KCNAB3: variants seen among roughly 807,000 people sequenced by gnomAD.
The protein encoded by KCNAB3 is voltage-gated potassium channel subunit beta-3.
Under a neutral mutation model 67.7 loss-of-function variants are expected in KCNAB3, and 62 were observed. The ratio of observed to expected loss-of-function variants is 0.92; its 90% confidence interval spans 0.75 to 1.13. The LOEUF (loss-of-function observed/expected upper bound fraction) is 1.13. Among genes scored for constraint, KCNAB3 ranks in the 50% most tolerant of loss-of-function variants. The pLI is 0.00. For missense variants in KCNAB3, 514 were observed against 522.9 expected, an observed-to-expected ratio of 0.98 and a Z score of 0.17; for synonymous variants, 212 against 205.4, an observed-to-expected ratio of 1.03 and a Z score of -0.27.
In KCNAB3 at chr17:7,929,054, G is replaced by T; in HGVS notation, c.242+140C>A. 1 of 1,294,754 alleles carries T rather than the reference G, an allele frequency of 7.7e-7. No individual in the cohort carries two copies. The allele number at this position is 1,294,754 out of a possible 1,614,324, so 80.2% of individuals were successfully genotyped here. On this transcript the variant is annotated intron_variant, in intron 1 of 13. Transcript: ENST00000303790. The surrounding 1 kb of genome is among the most constrained non-coding windows in gnomAD (Gnocchi z 5.7). ...ACCAAGAGAGGGACAAAGTGAGGGA[G>T]TGCCAGAGACAGAAAGAAGAGATGG...
intron 8 of KCNAB3, chr17:7,924,721 G>T: frequency 7.5e-7 from 1 of 1,340,688 alleles, no homozygotes; most frequent in South Asian, 2.2e-5. Context: ...TCCTGCTGAG[G>T]GTTTGAGGAA....
Position 7,929,831 on chromosome 17 carries a change from A to AC in KCNAB3, c.-397_-396insG. The AC allele has an allele frequency of 9.7e-7, 1 of 1,029,212 alleles. No individual in the cohort carries two copies. Among genetic ancestry groups the AC allele is most frequent in the South Asian group, 3.5e-5 (1 of 28,552 alleles). 63.8% of individuals were successfully genotyped at this position (1,029,212 alleles called of 1,614,324 possible). On this transcript the variant is annotated 5_prime_UTR_variant, in exon 1 of 14. Coordinates refer to ENST00000303790, the MANE Select transcript of KCNAB3 (RefSeq NM_004732.4). This position sits in a 1 kb window ranked among gnomAD's most constrained non-coding sequence, Gnocchi z 5.7. The stretch of plus-strand genomic sequence containing the variant: ...CCGCTGCGGGACCCGCTGGGCTCCC[A>AC]GCCGCGTCGGCAGCGGGCCCAGCTC...
In KCNAB3 at chr17:7,922,510, C is replaced by T. The variant is rs906288011; in HGVS notation, c.*592G>A. ...CCCTCTACCTTTGTCAGTGCTGTGCCACTGTAGACCCCACCCTGACCGCCC... is the reference window on the plus strand; with the variant it reads ...CCCTCTACCTTTGTCAGTGCTGTGCTACTGTAGACCCCACCCTGACCGCCC... On this transcript the variant is annotated 3_prime_UTR_variant, in exon 14 of 14. Coordinates refer to ENST00000303790, the MANE Select transcript of KCNAB3 (RefSeq NM_004732.4). 1.3e-5 allele frequency: 2 copies of T among 154,586 alleles called. No homozygotes were observed. The highest frequency in any genetic ancestry group is 2.9e-5 in the Non-Finnish European group (2 of 69,372). 9.6% of individuals were successfully genotyped at this position (154,586 alleles called of 1,614,324 possible). A position where few individuals can be genotyped will look rare whatever the true frequency, so the allele number is the denominator to read the frequency against.
chr17:7,926,180 C>G (rs2151716880), intron 4 of KCNAB3, 77 bp from the exon 5 acceptor site: 2 of 1,544,424 alleles, frequency 1.3e-6, no homozygotes, highest in Non-Finnish European at 1.8e-6. Flanking sequence ...ACCTTTTCCT[C>G]TCTTGCAAAG....
intron 8 of KCNAB3, chr17:7,924,728 G>A: frequency 7.5e-7 from 1 of 1,332,202 alleles, no homozygotes; most frequent in Non-Finnish European, 9.6e-7. Flanking sequence ...GAGGGTTTGA[G>A]GAAGTGCTCA....
chr17:7,927,101 G>A, intron 4 of KCNAB3: 1 of 527,852 alleles, frequency 1.9e-6, no homozygotes, highest in Non-Finnish European at 3.4e-6. Context: ...CATAACTAAT[G>A]CCTCAGATAT....
At position 7,922,651 on chromosome 17, in the gene KCNAB3, A is replaced by G. The variant is rs180792397; in HGVS notation, c.*451T>C. The G allele has an allele frequency of 6.3e-4, 104 of 164,460 alleles. No individual in the cohort carries two copies. The highest frequency in any genetic ancestry group is 1.2e-3 in the Non-Finnish European group (86 of 74,364). The allele number at this position is 164,460 out of a possible 1,614,324, so 10.2% of individuals were successfully genotyped here. ...GAATACGCTAAGAGCCCCATTTCCT[A>G]TGTTCCAGATGACATCACAACTCAC... On this transcript the variant is annotated 3_prime_UTR_variant, in exon 14 of 14. Transcript: ENST00000303790.
In KCNAB3 at chr17:7,927,647, T is replaced by A. The variant is rs1250959946; in HGVS notation, c.324+10A>T. ...CCCACCACCCTGATTCTAGGTCCGA[T>A]AACTTATACCTCATCTGAGATCTGA... On this transcript the variant is annotated intron_variant, in intron 3 of 13. Transcript: ENST00000303790. 6.2e-7 allele frequency: 1 copy of A among 1,614,014 alleles called. No individual in the cohort carries two copies. The highest frequency in any genetic ancestry group is 8.5e-7 in the Non-Finnish European group (1 of 1,180,008).
chr17:7,923,726 C>A lies in KCNAB3; in HGVS notation c.1033G>T (p.Ala345Ser). ...PVAHQLGCTV[A>S]QLAIAWCLRS... ...AATGTCTCACCAATAGCAAGCTGGGCCACGGTGCAGCCCAGCTGGTGAGCG... is the reference window on the plus strand; with the variant it reads ...AATGTCTCACCAATAGCAAGCTGGGACACGGTGCAGCCCAGCTGGTGAGCG... The change falls in exon 12 of 14, where the codon GCC becomes TCC. Residue 345 changes from alanine (A) to serine (S), a missense_variant. Physicochemically the swap from Ala to Ser is moderately conservative, Grantham distance 99. Coordinates refer to ENST00000303790, the MANE Select transcript of KCNAB3 (RefSeq NM_004732.4). 1.9e-6 allele frequency: 3 copies of A among 1,563,196 alleles called. No individual in the cohort carries two copies. The highest frequency in any genetic ancestry group is 3.8e-5 in the Admixed American group (2 of 52,282).
chr17:7,928,200 G>A, intron 1 of KCNAB3: 1 of 357,992 alleles, frequency 2.8e-6, no homozygotes, highest in East Asian at 5.8e-5. Flanking sequence ...TGGTGAGTTT[G>A]TGAGACCAGG....
In KCNAB3 at chr17:7,927,439, AG is replaced by A. The variant is rs1466381324; in HGVS notation, c.325-17del. ...CCTCTGCTGTCTAGGGAGGTGAAAG[AG>A]GTAAAGATCAACTACTGCTCCTCAG... is the stretch of plus-strand genomic sequence containing the variant. On this transcript the variant is annotated splice_polypyrimidine_tract_variant and intron_variant, in intron 3 of 13. Transcript: ENST00000303790. The A allele has an allele frequency of 6.2e-7, 1 of 1,612,558 alleles. No individual in the cohort carries two copies. The highest frequency in any genetic ancestry group is 8.5e-7 in the Non-Finnish European group (1 of 1,178,798).
intron 6 of KCNAB3, 88 bp downstream of exon 6, chr17:7,925,843 G>A (rs1298757376): frequency 3.1e-6 from 5 of 1,591,296 alleles, no homozygotes; most frequent in African/African-American, 2.7e-5. Context: ...CGGACCTGGT[G>A]CAGGATAGCT....
At position 7,929,555 on chromosome 17, in the gene KCNAB3, G is replaced by A; in HGVS notation, c.-120C>T. The A allele has an allele frequency of 6.7e-7, 1 of 1,483,632 alleles. No individual in the cohort carries two copies. Among genetic ancestry groups the A allele is most frequent in the Non-Finnish European group, 8.9e-7 (1 of 1,123,376 alleles). 91.9% of individuals were successfully genotyped at this position (1,483,632 alleles called of 1,614,324 possible). The stretch of plus-strand genomic sequence containing the variant: ...ACCCCGGCAGAGCGGGAAGGCTGAG[G>A]AGGCTGCGGCGGGAGCCGCCAGGCA... On this transcript the variant is annotated 5_prime_UTR_variant, in exon 1 of 14. Transcript: ENST00000303790. This position sits in a 1 kb window ranked among gnomAD's most constrained non-coding sequence, Gnocchi z 5.7.
In KCNAB3 at chr17:7,923,943, GCCATCGAGAGCCC is replaced by G; in HGVS notation, c.927+12_927+24del. On this transcript the variant is annotated intron_variant, in intron 11 of 13. Coordinates refer to ENST00000303790, the MANE Select transcript of KCNAB3 (RefSeq NM_004732.4). Reference sequence around the variant, plus strand: ...AAAGCAGCCCATATAGCCCAGTCCTGCCATCGAGAGCCCCCAGATCTCACCTTGATGGAGGCCC... The same window carrying G: ...AAAGCAGCCCATATAGCCCAGTCCTGCCAGATCTCACCTTGATGGAGGCCC... 1 of 1,604,780 alleles carries G rather than the reference GCCATCGAGAGCCC, an allele frequency of 6.2e-7. No homozygotes were observed. The highest frequency in any genetic ancestry group is 1.1e-5 in the South Asian group (1 of 89,906).
rs372009641 is a variant in KCNAB3 at position 7,929,286 on chromosome 17, G to A, written c.150C>T (p.Gly50=). 9.7e-5 allele frequency: 154 copies of A among 1,589,672 alleles called. 1 individual carries two copies. The African/African-American group carries it at 1.9e-3, about 20-fold the overall frequency. Residue 50 remains glycine, a synonymous_variant, in exon 1 of 14, where the codon GGC becomes GGT. Coordinates refer to ENST00000303790, the MANE Select transcript of KCNAB3 (RefSeq NM_004732.4). The surrounding 1 kb of genome is among the most constrained non-coding windows in gnomAD (Gnocchi z 5.7). ...GAACCAGTGCAGCTCGGGCCTTGGGGCCAGACCCTCCACCCCCCGGAGGAT... is the reference window on the plus strand; with the variant it reads ...GAACCAGTGCAGCTCGGGCCTTGGGACCAGACCCTCCACCCCCCGGAGGAT... ...HGNPPGGGGS[G]PKARAALVPR... is the part of the protein sequence containing the mutation.
chr17:7,928,605 G>A (rs58442588), intron 1 of KCNAB3, among the ~76,000 whole-genome samples: 94,504 of 151,974 alleles, frequency 0.62, 31,120 homozygotes, highest in East Asian at 1. Flanking sequence ...CCCTACTTCA[G>A]GTTCTGAGCT....
intron 8 of KCNAB3, 126 bp downstream of exon 8, chr17:7,924,971 C>G (rs1327972969): frequency 2.4e-6 from 2 of 818,644 alleles, no homozygotes; most frequent in Non-Finnish European, 4.0e-6. Flanking sequence ...TTCTCGAACT[C>G]CAGGCCCCAA....
rs777477624 is a variant in KCNAB3 at position 7,929,162 on chromosome 17, G to A, written c.242+32C>T. 1.9e-6 allele frequency: 3 copies of A among 1,608,562 alleles called. No individual in the cohort carries two copies. The highest frequency in any genetic ancestry group is 3.4e-5 in the Admixed American group (2 of 58,676). On this transcript the variant is annotated intron_variant, in intron 1 of 13. Transcript: ENST00000303790. The surrounding 1 kb of genome is among the most constrained non-coding windows in gnomAD (Gnocchi z 5.7). The stretch of plus-strand genomic sequence containing the variant: ...GTCTCAGGGGTCCCGAAAGGAAAGC[G>A]GAAGGGGTGGGCTGCCCGGCCACCC...
rs1972361706 is a variant in KCNAB3 at position 7,929,678 on chromosome 17, G to A, written c.-243C>T. 7.2e-7 allele frequency: 1 copy of A among 1,398,404 alleles called. No individual in the cohort carries two copies. The allele number at this position is 1,398,404 out of a possible 1,614,324, so 86.6% of individuals were successfully genotyped here. A position where few individuals can be genotyped will look rare whatever the true frequency, so the allele number is the denominator to read the frequency against. On this transcript the variant is annotated 5_prime_UTR_variant, in exon 1 of 14. Coordinates refer to ENST00000303790, the MANE Select transcript of KCNAB3 (RefSeq NM_004732.4). The surrounding 1 kb of genome is among the most constrained non-coding windows in gnomAD (Gnocchi z 5.7). The stretch of plus-strand genomic sequence containing the variant: ...CCAGGAGTGGAGATATTCAGTTACG[G>A]GGGACACAGGAGCAAGGATTAGGAG...
Sources: gnomAD v4.1 joint callset for allele counts (sites outside exome capture counted in the v4.1 genomes callset) on GRCh38, gnomAD v4.1.1 for gene constraint, Gnocchi (gnomAD v3.1) non-coding constraint, MANE v1.5 for transcripts, NCBI Gene and HGNC (gene_info 2026-07-23, HGNC 2026-07-21) for gene names.